Variants in ELP4 observed in about 807,000 individuals in gnomAD.
ELP4 encodes the protein elongator acetyltransferase complex subunit 4.
ELP4 carries 51 observed loss-of-function variants against 48.9 expected under a neutral mutation model. The ratio of observed to expected loss-of-function variants is 1.04; its 90% CI spans 0.83 to 1.32. The LOEUF (loss-of-function observed/expected upper bound fraction) is 1.32. Ranked by LOEUF, ELP4 falls within the 40% of genes most tolerant of loss-of-function variation. ELP4 has a pLI of 0.00. For missense variants in ELP4, 519 were observed against 514.6 expected, an observed-to-expected ratio of 1.01 and a Z score of -0.08; for synonymous variants, 210 against 189.2, an observed-to-expected ratio of 1.11 and a Z score of -0.90.
Position 31,628,991 on chromosome 11 carries a change from G to A in ELP4, c.738+1797G>A, listed in dbSNP as rs1188566208. ...AGAAAGTTTTTATCTTTTTTTTAAC[G>A]TGTTTTCAAATAAACAACTAATTTG... On this transcript the variant is annotated intron_variant, in intron 6 of 9. Transcript: ENST00000640961. Among the ~76,000 whole-genome samples, 6 of 151,664 alleles carry A rather than the reference G, an allele frequency of 4.0e-5. 1 individual carries two copies. The highest frequency in any genetic ancestry group is 1.9e-4 in the East Asian group (1 of 5,186).
chr11:31,745,173 CA>C (rs1347921304), intron 9 of ELP4, among the ~76,000 whole-genome samples: 1 of 152,106 alleles, frequency 6.6e-6, no homozygotes, highest in Non-Finnish European at 1.5e-5. Flanking sequence ...CCTAGGAATC[CA>C]ACTTACAAGG....
chr11:31,511,455 C>CT (rs1255117857), intron 1 of ELP4: 3 of 152,052 alleles, frequency 2.0e-5, no homozygotes, highest in African/African-American at 7.2e-5. Context: ...AGTGTACCTC[C>CT]TGGCACTTAG....
Position 31,650,230 on chromosome 11 carries a change from A to T in ELP4, c.1143+9A>T. 1.1e-6 allele frequency: 1 copy of T among 908,592 alleles called. No homozygotes were observed. Among genetic ancestry groups the T allele is most frequent in the Non-Finnish European group, 1.7e-6 (1 of 576,462 alleles). 56.3% of individuals were successfully genotyped at this position (908,592 alleles called of 1,614,324 possible). A position where few individuals can be genotyped will look rare whatever the true frequency, so the allele number is the denominator to read the frequency against. ...AGCTATTCACCATTGAGGTAAGAGA[A>T]TTTTTATGTTTTAGTTTACAATCTT... On this transcript the variant is annotated intron_variant, in intron 9 of 9. Coordinates refer to ENST00000640961, the MANE Select transcript of ELP4 (RefSeq NM_019040.5).
chr11:31,539,859 A>T, intron 3 of ELP4, 76 bp downstream of exon 3: 1 of 1,216,328 alleles, frequency 8.2e-7, no homozygotes, highest in Non-Finnish European at 1.1e-6. Flanking sequence ...TAAACAAGAT[A>T]TATGTTTGTA....
At chr11:31,579,250 A>G (rs1384337815) in intron 3 of ELP4, among the ~76,000 whole-genome samples, 2 of 152,212 alleles carry the variant, frequency 1.3e-5, no homozygotes, top group African/African-American at 2.4e-5. Flanking sequence ...ATCTCACACC[A>G]GTTAGAATGG....
chr11:31,703,302 G>T (rs1199604853), intron 9 of ELP4, among the ~76,000 whole-genome samples: 1 of 151,986 alleles, frequency 6.6e-6, no homozygotes, highest in Non-Finnish European at 1.5e-5. Context: ...AACCTTTATT[G>T]CCCAGCTATC....
intron 8 of ELP4, chr11:31,648,966 A>G (rs888456932): frequency 6.6e-6 from 1 of 151,708 alleles, no homozygotes; most frequent in Non-Finnish European, 1.5e-5. Context: ...AGAAACGTAC[A>G]AATAAAAGTA....
chr11:31,726,387 G>C (rs146132485), intron 9 of ELP4, among the ~76,000 whole-genome samples: 1 of 152,178 alleles, frequency 6.6e-6, no homozygotes, highest in Non-Finnish European at 1.5e-5. Context: ...TAAAAAGGAA[G>C]AAATAAAGGG....
intron 3 of ELP4, among the ~76,000 whole-genome samples, chr11:31,545,207 AC>A (rs548936956): frequency 3.6e-4 from 55 of 152,328 alleles, no homozygotes; most frequent in African/African-American, 1.2e-3. Flanking sequence ...GGAAATTCAA[AC>A]CAAAGGCAAA....
At chr11:31,745,712 C>T (rs1163297058) in intron 9 of ELP4, among the ~76,000 whole-genome samples, 2 of 152,130 alleles carry the variant, frequency 1.3e-5, no homozygotes, top group Non-Finnish European at 2.9e-5. Flanking sequence ...AACTGGATCC[C>T]TTCCTTACAC....
At position 31,784,828 on chromosome 11, in the gene ELP4, GAATC is replaced by G. The variant is rs1948480658; in HGVS notation, c.*1308_*1311del. The G allele has an allele frequency of 5.7e-6, 1 of 176,272 alleles. No homozygotes were observed. Among genetic ancestry groups the G allele is most frequent in the Non-Finnish European group, 1.2e-5 (1 of 81,776 alleles). 10.9% of individuals were successfully genotyped at this position (176,272 alleles called of 1,614,324 possible). The stretch of plus-strand genomic sequence containing the variant: ...GCTTTTATTCAGAATTAGAATAATT[GAATC>G]AATGACAGTGATTTGCCAGGATGTC... On this transcript the variant is annotated 3_prime_UTR_variant, in exon 10 of 10. Coordinates refer to ENST00000640961, the MANE Select transcript of ELP4 (RefSeq NM_019040.5).
chr11:31,550,506 A>G (rs1338961471), intron 3 of ELP4, among the ~76,000 whole-genome samples: 1 of 152,204 alleles, frequency 6.6e-6, no homozygotes, highest in Non-Finnish European at 1.5e-5. Flanking sequence ...GTCCATTCTT[A>G]AAGAACTGAG....
chr11:31,564,599 A>G (rs920644463), intron 3 of ELP4, among the ~76,000 whole-genome samples: 4 of 152,028 alleles, frequency 2.6e-5, no homozygotes, highest in Admixed American at 6.6e-5. Context: ...TCATTGTTCA[A>G]TTCCTACCTA....
chr11:31,742,327 A>G (rs978287013), intron 9 of ELP4, among the ~76,000 whole-genome samples: 3 of 152,230 alleles, frequency 2.0e-5, no homozygotes, highest in African/African-American at 4.8e-5. Flanking sequence ...ACTCTGCAGG[A>G]TATTATCCAG....
chr11:31,619,180 A>C (rs541726655), intron 5 of ELP4, among the ~76,000 whole-genome samples: 19 of 152,168 alleles, frequency 1.2e-4, no homozygotes, highest in African/African-American at 4.6e-4. Context: ...GGAAACAATC[A>C]GTAGAAAAGG....
chr11:31,606,678 C>T (rs1957882071), intron 5 of ELP4, among the ~76,000 whole-genome samples: 1 of 152,126 alleles, frequency 6.6e-6, no homozygotes, highest in Admixed American at 6.5e-5. Context: ...ATCAGATAAT[C>T]TGAGTCACAA....
At chr11:31,540,720 C>G (rs1040440091) in intron 3 of ELP4, among the ~76,000 whole-genome samples, 1 of 152,144 alleles carries the variant, frequency 6.6e-6, no homozygotes, top group Non-Finnish European at 1.5e-5. Context: ...ATATTCTACA[C>G]AGTCATGATA....
At chr11:31,700,219 A>G (rs1338819989) in intron 9 of ELP4, among the ~76,000 whole-genome samples, 2 of 151,522 alleles carry the variant, frequency 1.3e-5, no homozygotes, top group African/African-American at 2.4e-5. Context: ...GAGTGTATCT[A>G]TTTTTTTAAA....
At chr11:31,576,895 A>C (rs1447053651) in intron 3 of ELP4, among the ~76,000 whole-genome samples, 1 of 152,200 alleles carries the variant, frequency 6.6e-6, no homozygotes, top group Non-Finnish European at 1.5e-5. Flanking sequence ...GAGAACCAAG[A>C]GCAAACACAT....
Sources: gnomAD v4.1 joint callset for allele counts (sites outside exome capture counted in the v4.1 genomes callset) on GRCh38, gnomAD v4.1.1 for gene constraint, MANE v1.5 for transcripts, NCBI Gene and HGNC (gene_info 2026-07-23, HGNC 2026-07-21) for gene names.